FGF13: variants seen among roughly 807,000 people sequenced by gnomAD.
The protein encoded by FGF13 is fibroblast growth factor homologous factor 2.
In FGF13, 2 loss-of-function variants were observed where a neutral mutation model predicts 19.5. The ratio of observed to expected loss-of-function variants is 0.10; its 90% CI spans 0.04 to 0.32. The LOEUF (loss-of-function observed/expected upper bound fraction) is 0.32. Among genes scored for constraint, FGF13 ranks in the 10% least tolerant of loss-of-function variants. FGF13 has a pLI of 1.00. For synonymous variants in FGF13, 72 were observed against 76.9 expected, an observed-to-expected ratio of 0.94 and a Z score of 0.33; for missense variants, 113 against 192.7, an observed-to-expected ratio of 0.59 and a Z score of 2.45.
intron 3 of FGF13, among the ~76,000 whole-genome samples, chrX:138,825,989 C>A (rs1219911031): frequency 9.0e-6 from 1 of 111,344 alleles, no homozygotes; most frequent in African/African-American, 3.3e-5. Flanking sequence ...ACTGGGACAA[C>A]CTATGAGGAC....
chrX:139,043,231 G>C, intron 1 of FGF13, among the ~76,000 whole-genome samples: 1 of 110,396 alleles, frequency 9.1e-6, no homozygotes, highest in Non-Finnish European at 1.9e-5. Flanking sequence ...TTTGGGGTGG[G>C]GATGGAGTCT....
intron 1 of FGF13, among the ~76,000 whole-genome samples, chrX:138,972,984 A>G (rs1434498766): frequency 9.0e-6 from 1 of 111,080 alleles, no homozygotes; most frequent in Non-Finnish European, 1.9e-5. Context: ...GTTGAGCTTT[A>G]TAATTTATTT....
chrX:138,990,578 G>C (rs967459350), intron 1 of FGF13: 1 of 110,475 alleles, frequency 9.1e-6, no homozygotes, highest in African/African-American at 3.3e-5. Context: ...ATCTTATGTG[G>C]ACGACAGCAG....
At chrX:138,674,021 A>C (rs2089640508) in intron 3 of FGF13, among the ~76,000 whole-genome samples, 1 of 110,554 alleles carries the variant, frequency 9.0e-6, no homozygotes, top group Non-Finnish European at 1.9e-5. Context: ...TTTCAGGAGA[A>C]ATAAAGTTCA....
intron 3 of FGF13, among the ~76,000 whole-genome samples, chrX:138,772,230 A>G (rs1360363888): frequency 9.2e-6 from 1 of 108,896 alleles, no homozygotes; most frequent in Non-Finnish European, 1.9e-5. Flanking sequence ...AGGCATGTAA[A>G]CATGCCTAAA....
At chrX:138,899,276 G>C (rs1313400707) in intron 1 of FGF13, among the ~76,000 whole-genome samples, 1 of 111,079 alleles carries the variant, frequency 9.0e-6, no homozygotes, top group Non-Finnish European at 1.9e-5. Flanking sequence ...GCATGAGTAG[G>C]AGAAACATGG....
intron 3 of FGF13, among the ~76,000 whole-genome samples, chrX:138,756,867 T>A (rs1302953051): frequency 9.0e-6 from 1 of 111,631 alleles, no homozygotes; most frequent in Non-Finnish European, 1.9e-5. Flanking sequence ...ATATACTCCA[T>A]CTGGAACACC....
intron 1 of FGF13, among the ~76,000 whole-genome samples, chrX:138,926,446 A>T (rs1166179880): frequency 1.8e-5 from 2 of 111,933 alleles, no homozygotes; most frequent in South Asian, 3.8e-4. Context: ...GAAAAATGTG[A>T]GCAGAATAAG....
intron 1 of FGF13, among the ~76,000 whole-genome samples, chrX:139,066,940 A>G (rs750756999): frequency 1.7e-4 from 19 of 111,784 alleles, no homozygotes; most frequent in Admixed American, 1.1e-3. Context: ...ATCACGATCA[A>G]GTCGGCTTCA....
intron 1 of FGF13, among the ~76,000 whole-genome samples, chrX:139,052,954 C>T (rs2092307288): frequency 9.0e-6 from 1 of 111,024 alleles, no homozygotes; most frequent in African/African-American, 3.3e-5. Flanking sequence ...GCACCCATCA[C>T]ACAAGCTGTA....
intron 1 of FGF13, among the ~76,000 whole-genome samples, chrX:138,989,130 T>C (rs1365748420): frequency 9.0e-6 from 1 of 111,452 alleles, no homozygotes; most frequent in Non-Finnish European, 1.9e-5. Flanking sequence ...CCAGGAACAA[T>C]GAAAAGAAGA....
chrX:139,083,676 T>G (rs866732022), intron 1 of FGF13, among the ~76,000 whole-genome samples: 2 of 110,153 alleles, frequency 1.8e-5, no homozygotes, highest in South Asian at 4.0e-4. Flanking sequence ...TTTGAGACCC[T>G]CCTGGCCAAC....
intron 3 of FGF13, among the ~76,000 whole-genome samples, chrX:138,645,218 G>C (rs918604463): frequency 1.8e-5 from 2 of 112,226 alleles, no homozygotes; most frequent in Non-Finnish European, 3.8e-5. Context: ...TGAGAGGAGA[G>C]TTCCTCCCAC....
At chrX:138,752,588 T>C (rs961408288) in intron 3 of FGF13, among the ~76,000 whole-genome samples, 1 of 112,299 alleles carries the variant, frequency 8.9e-6, no homozygotes, top group African/African-American at 3.2e-5. Context: ...TACATAAATA[T>C]GCACACTCAG....
intron 1 of FGF13, among the ~76,000 whole-genome samples, chrX:139,161,449 C>G (rs1225794097): frequency 9.0e-6 from 1 of 111,607 alleles, no homozygotes; most frequent in Non-Finnish European, 1.9e-5. Flanking sequence ...AATATACTCT[C>G]TCTTAGCACT....
At chrX:139,180,859 A>G (rs187224464) in intron 1 of FGF13, among the ~76,000 whole-genome samples, 209 of 112,134 alleles carry the variant, frequency 1.9e-3, no homozygotes, top group African/African-American at 6.5e-3. Flanking sequence ...TGTTGCTCTC[A>G]GGTGCCATTC....
chrX:138,939,546 A>AT (rs1029399609), intron 1 of FGF13, among the ~76,000 whole-genome samples: 1 of 111,076 alleles, frequency 9.0e-6, no homozygotes, highest in Non-Finnish European at 1.9e-5. Flanking sequence ...CCTGATAGGT[A>AT]TTTTTTTATC....
At chrX:138,708,967 G>T (rs983963814) in intron 1 of FGF13, 39 bp from the exon 2 acceptor site, 1 of 819,758 alleles carries the variant, frequency 1.2e-6, no homozygotes, top group Non-Finnish European at 1.8e-6. Context: ...TTGATAAATT[G>T]TGCCTATGTA....
intron 1 of FGF13, among the ~76,000 whole-genome samples, chrX:139,165,357 G>C (rs1185910284): frequency 8.9e-6 from 1 of 111,966 alleles, no homozygotes; most frequent in African/African-American, 3.2e-5. Context: ...TTAAAAGAGA[G>C]TAGCGGAACA....
Sources: allele counts gnomAD v4.1 joint callset (sites outside exome capture counted in the v4.1 genomes callset), GRCh38; gene constraint gnomAD v4.1.1; transcripts MANE v1.5; gene names NCBI Gene and HGNC (gene_info 2026-07-23, HGNC 2026-07-21).